The following TANK variants were observed in gnomAD, a reference collection of about 807,000 sequenced individuals.
TANK encodes the protein TRAF family member-associated NF-kappa-B activator.
A neutral mutation model predicts 43.6 loss-of-function variants in TANK; 15 were observed. The observed-to-expected ratio is 0.34, with a 90% CI of 0.23 to 0.53. The LOEUF (loss-of-function observed/expected upper bound fraction) is 0.53. Ranked by LOEUF, TANK falls within the 20% of genes least tolerant of loss-of-function variation. The pLI is 0.94. For missense variants in TANK, 417 were observed against 498.6 expected, an observed-to-expected ratio of 0.84 and a Z score of 1.56; for synonymous variants, 162 against 178.2, an observed-to-expected ratio of 0.91 and a Z score of 0.73.
intron 2 of TANK, among the ~76,000 whole-genome samples, chr2:161,191,760 G>A (rs1685925718): frequency 6.6e-6 from 1 of 152,024 alleles, no homozygotes; most frequent in Non-Finnish European, 1.5e-5. Flanking sequence ...ATGAATACCT[G>A]ACAATACCTT....
intron 1 of TANK, chr2:161,160,798 G>A: frequency 1.8e-6 from 1 of 550,090 alleles, no homozygotes; most frequent in South Asian, 1.5e-5. Context: ...CGGGAAATGG[G>A]GGTGGAAGGG....
At chr2:161,170,106 A>G (rs569421362) in intron 1 of TANK, among the ~76,000 whole-genome samples, 3 of 152,264 alleles carry the variant, frequency 2.0e-5, no homozygotes, top group African/African-American at 7.2e-5. Flanking sequence ...TTTGAGATCT[A>G]TCTTGTCTCT....
upstream of TANK, among the ~76,000 whole-genome samples, chr2:161,156,566 C>G (rs1202639835): frequency 6.6e-6 from 1 of 152,230 alleles, no homozygotes; most frequent in Non-Finnish European, 1.5e-5. Context: ...CAAAGGGATG[C>G]TTTCTCTTGA....
rs1687897053 is a variant in TANK at position 161,231,276 on chromosome 2, A to G, written c.826A>G (p.Asn276Asp). The G allele has an allele frequency of 1.2e-6, 2 of 1,614,086 alleles. No homozygotes were observed. Among genetic ancestry groups the G allele is most frequent in the Non-Finnish European group, 1.7e-6 (2 of 1,180,026 alleles). Reference protein sequence around the residue: ...QEKFNMEFRDNPGNFVKTEET... With the variant: ...QEKFNMEFRDDPGNFVKTEET... ...GAAATTTAATATGGAGTTCAGAGAC[A>G]ACCCAGGGAACTTTGTTAAAACAGA... Residue 276 changes from asparagine (N) to aspartate (D), a missense_variant, in exon 7 of 8, where the codon AAC becomes GAC. Transcript: ENST00000392749.
At chr2:161,182,229 G>A (rs536931664) in intron 2 of TANK, among the ~76,000 whole-genome samples, 43 of 152,092 alleles carry the variant, frequency 2.8e-4, no homozygotes, top group Non-Finnish European at 5.0e-4. Flanking sequence ...CACATATTAA[G>A]CAGTGGACAC....
intron 1 of TANK, among the ~76,000 whole-genome samples, chr2:161,155,185 T>C (rs1412084313): frequency 6.6e-6 from 1 of 152,124 alleles, no homozygotes; most frequent in Admixed American, 6.5e-5. Context: ...ATGAGTAAAA[T>C]AGCAGAACAC....
intron 4 of TANK, among the ~76,000 whole-genome samples, chr2:161,208,885 G>A (rs1489439392): frequency 1.3e-5 from 2 of 152,094 alleles, no homozygotes; most frequent in Non-Finnish European, 2.9e-5. Flanking sequence ...CTAAGTAGTG[G>A]GGCAAGAAAT....
At position 161,231,684 on chromosome 2, in the gene TANK, A is replaced by G. The variant is rs893791506; in HGVS notation, c.1101+133A>G. On this transcript the variant is annotated intron_variant, in intron 7 of 7. Coordinates refer to ENST00000392749, the MANE Select transcript of TANK (RefSeq NM_001199135.3). ...CTGACAGCCAAAGTTAAGGCTTTCA[A>G]AAAAACAAGTCCCATAATAAATGAC... is the stretch of plus-strand genomic sequence containing the variant. The G allele has an allele frequency of 7.7e-6, 6 of 781,122 alleles. No homozygotes were observed. In the African/African-American group the frequency reaches 1.1e-4, roughly 14 times the overall value. The allele number at this position is 781,122 out of a possible 1,614,324, so 48.4% of individuals were successfully genotyped here. A position where few individuals can be genotyped will look rare whatever the true frequency, so the allele number is the denominator to read the frequency against.
chr2:161,160,616 G>C (rs1455158421), intron 1 of TANK, 130 bp downstream of exon 1: 1 of 763,184 alleles, frequency 1.3e-6, no homozygotes, highest in East Asian at 3.0e-5. Flanking sequence ...AGGAGCAGCG[G>C]AGACAACCAA....
At chr2:161,151,428 G>A (rs572736788) in intron 1 of TANK, among the ~76,000 whole-genome samples, 3 of 151,586 alleles carry the variant, frequency 2.0e-5, no homozygotes, top group Non-Finnish European at 2.9e-5. Context: ...CCAATGTCTC[G>A]TTCATATATT....
At chr2:161,167,938 A>C (rs575072764) in intron 1 of TANK, among the ~76,000 whole-genome samples, 1 of 152,062 alleles carries the variant, frequency 6.6e-6, no homozygotes, top group South Asian at 2.1e-4. Context: ...CCAGGTTTTT[A>C]AAGGCAAAAG....
intron 4 of TANK, among the ~76,000 whole-genome samples, chr2:161,205,510 A>G (rs1216795894): frequency 6.6e-6 from 1 of 152,096 alleles, no homozygotes; most frequent in Non-Finnish European, 1.5e-5. Flanking sequence ...TAAAAGAAAA[A>G]TACACCCAAC....
intron 4 of TANK, chr2:161,212,844 G>T (rs963194809): frequency 4.8e-6 from 4 of 836,914 alleles, no homozygotes; most frequent in Non-Finnish European, 5.8e-6. Context: ...AGTCTGTATT[G>T]CTGTAAAGGA....
At chr2:161,198,318 A>AT (rs1686249002) in intron 2 of TANK, among the ~76,000 whole-genome samples, 1 of 152,108 alleles carries the variant, frequency 6.6e-6, no homozygotes, top group South Asian at 2.1e-4. Flanking sequence ...CCCATTTCTC[A>AT]TTTTCTGGAC....
At chr2:161,139,942 A>G in intron 1 of TANK, 1 of 965,438 alleles carries the variant, frequency 1.0e-6, no homozygotes, top group South Asian at 4.8e-5. Context: ...TCCAACTTAT[A>G]TTAAGAAAAT....
intron 1 of TANK, among the ~76,000 whole-genome samples, chr2:161,144,245 T>C (rs1683838189): frequency 6.6e-6 from 1 of 152,148 alleles, no homozygotes; most frequent in African/African-American, 2.4e-5. Flanking sequence ...TGTAAACTTT[T>C]TCAAAAAAAC....
At chr2:161,169,657 A>G (rs1288935017) in intron 1 of TANK, among the ~76,000 whole-genome samples, 2 of 152,174 alleles carry the variant, frequency 1.3e-5, no homozygotes, top group African/African-American at 2.4e-5. Context: ...GCAGAGGACT[A>G]CTGTTTTTCT....
intron 1 of TANK, among the ~76,000 whole-genome samples, chr2:161,178,490 C>T (rs1209227124): frequency 6.6e-6 from 1 of 151,380 alleles, no homozygotes; most frequent in African/African-American, 2.4e-5. Context: ...TTAATGCTTA[C>T]CAGGAGATGG....
intron 2 of TANK, among the ~76,000 whole-genome samples, chr2:161,199,305 A>C (rs993290865): frequency 6.6e-6 from 1 of 152,128 alleles, no homozygotes; most frequent in African/African-American, 2.4e-5. Flanking sequence ...CATTGGAGGA[A>C]AGCAGTGATA....
Sources: gnomAD v4.1 joint callset for allele counts (sites outside exome capture counted in the v4.1 genomes callset) on GRCh38, gnomAD v4.1.1 for gene constraint, MANE v1.5 for transcripts, NCBI Gene and HGNC (gene_info 2026-07-23, HGNC 2026-07-21) for gene names.